Variants in SLCO1C1 observed in about 807,000 individuals in gnomAD.
SLCO1C1 encodes OAT-RP-5.
A neutral mutation model predicts 76.4 loss-of-function variants in SLCO1C1; 70 were observed. The ratio of observed to expected loss-of-function variants is 0.92; its 90% CI spans 0.76 to 1.12. SLCO1C1 has a LOEUF of 1.12. SLCO1C1 is among the 50% of genes most tolerant of loss of function. SLCO1C1 has a pLI of 0.00. For synonymous variants in SLCO1C1, 306 were observed against 286.1 expected (o/e 1.07, Z -0.70); for missense variants, 912 against 823.8 (o/e 1.11, Z -1.31).
At chr12:20,704,940 G>T (rs777844560) in intron 3 of SLCO1C1, among the ~76,000 whole-genome samples, 4 of 151,840 alleles carry the variant, frequency 2.6e-5, no homozygotes, top group Non-Finnish European at 5.9e-5. Context: ...GTTTATCAAA[G>T]CATGTTCTAG....
chr12:20,725,210 AAAT>A (rs1321135490), intron 9 of SLCO1C1, among the ~76,000 whole-genome samples: 4 of 137,462 alleles, frequency 2.9e-5, no homozygotes, highest in Non-Finnish European at 3.0e-5. Context: ...ATAGTATTTT[AAAT>A]AATTATAGTT....
At chr12:20,715,355 A>C (rs1174221661) in intron 6 of SLCO1C1, 70 bp downstream of exon 6, 17 of 1,541,290 alleles carry the variant, frequency 1.1e-5, no homozygotes, top group Non-Finnish European at 1.5e-5. Flanking sequence ...ATTCCCCTCT[A>C]TGCTAAATTA....
At chr12:20,711,546 T>TA in intron 5 of SLCO1C1, 36 bp downstream of exon 5, 1 of 1,600,366 alleles carries the variant, frequency 6.2e-7, no homozygotes, top group African/African-American at 1.4e-5. Flanking sequence ...AAACAAGCTT[T>TA]TAAAAAAAAG....
intron 13 of SLCO1C1, among the ~76,000 whole-genome samples, 164 bp from the exon 14 acceptor site, chr12:20,750,511 A>C (rs774830956): frequency 4.4e-4 from 67 of 152,192 alleles, no homozygotes; most frequent in Non-Finnish European, 8.2e-4. Flanking sequence ...AGCTTATGAG[A>C]AAAGACTGGA....
chr12:20,732,970 A>T lies in SLCO1C1; in HGVS notation c.1248A>T (p.Lys416Asn). ...GIFSGGIVMKKFRISVCGAAK... is the reference protein window; with the variant it reads ...GIFSGGIVMKNFRISVCGAAK... ...TCTCTGGGGGGATAGTTATGAAAAA[A>T]TTCAGAATCAGTGTGTGTGGAGCTG... The change falls in exon 10 of 15, where the codon AAA becomes AAT. Residue 416 changes from lysine (K) to asparagine (N), a missense_variant. Transcript: ENST00000266509. 1 of 1,614,058 alleles carries T rather than the reference A, an allele frequency of 6.2e-7. No individual in the cohort carries two copies. The highest frequency in any genetic ancestry group is 8.5e-7 in the Non-Finnish European group (1 of 1,179,974).
chr12:20,695,987 C>T (rs1412950374), intron 1 of SLCO1C1, among the ~76,000 whole-genome samples, 180 bp downstream of exon 1: 1 of 152,086 alleles, frequency 6.6e-6, no homozygotes, highest in African/African-American at 2.4e-5. Context: ...ATCAGATAAA[C>T]TCAAATTTGA....
In SLCO1C1 at chr12:20,752,595, A is replaced by C; in HGVS notation, c.*67A>C. ...TTTTGCAAACAAATAAATTGTAATC[A>C]AAAGAGCTCTAAATTTGTAATTTCT... On this transcript the variant is annotated 3_prime_UTR_variant, in exon 15 of 15. Coordinates refer to ENST00000266509, the MANE Select transcript of SLCO1C1 (RefSeq NM_017435.5). 2 of 1,311,640 alleles carry C rather than the reference A, an allele frequency of 1.5e-6. No homozygotes were observed. The highest frequency in any genetic ancestry group is 2.1e-6 in the Non-Finnish European group (2 of 966,336). The allele number at this position is 1,311,640 out of a possible 1,614,324, so 81.3% of individuals were successfully genotyped here. A position where few individuals can be genotyped will look rare whatever the true frequency, so the allele number is the denominator to read the frequency against.
In SLCO1C1 at chr12:20,706,022, G is replaced by T; in HGVS notation, c.345G>T (p.Gly115=). The stretch of plus-strand genomic sequence containing the variant: ...ACAGGCCAAAAATAATTGGAGCAGG[G>T]TGTGTAATCATGGGAGTTGGAACAC... ...KLHRPKIIGA[G]CVIMGVGTLL... The change falls in exon 4 of 15, where the codon GGG becomes GGT. Residue 115 remains glycine, a synonymous_variant. Transcript: ENST00000266509. 6.2e-7 allele frequency: 1 copy of T among 1,613,422 alleles called. No homozygotes were observed. Among genetic ancestry groups the T allele is most frequent in the Non-Finnish European group, 8.5e-7 (1 of 1,179,514 alleles).
Position 20,740,323 on chromosome 12 carries a change from A to C in SLCO1C1, c.1688A>C (p.Tyr563Ser). ...CTTGTAATTTCAGTCATCACATCCT[A>C]TACTTTATCCCTAGGTGGCATACCT... ...YFLVISVITS[Y>S]TLSLGGIPGY... Residue 563 changes from tyrosine to serine, a missense_variant, in exon 12 of 15, where the codon TAT becomes TCT. By Grantham distance (144) the Tyr-to-Ser change is moderately radical (BLOSUM62 -2). Coordinates refer to ENST00000266509, the MANE Select transcript of SLCO1C1 (RefSeq NM_017435.5). 1 of 1,613,826 alleles carries C rather than the reference A, an allele frequency of 6.2e-7. No homozygotes were observed. Among genetic ancestry groups the C allele is most frequent in the South Asian group, 1.1e-5 (1 of 91,026 alleles).
rs144549299 is a variant in SLCO1C1 at position 20,749,662 on chromosome 12, C to T, written c.1799-1013C>T. On this transcript the variant is annotated intron_variant, in intron 13 of 14. Coordinates refer to ENST00000266509, the MANE Select transcript of SLCO1C1 (RefSeq NM_017435.5). ...TTGCACATGAGAGACACATTTTCTC[C>T]CTAAGGAGGGATTAAATTCCTAACA... Among the ~76,000 whole-genome samples, 833 of 152,238 alleles carry T rather than the reference C, an allele frequency of 5.5e-3. 10 individuals carry two copies. Among genetic ancestry groups the T allele is most frequent in the Non-Finnish European group, 7.8e-3 (534 of 68,030 alleles).
chr12:20,732,833 CT>C, intron 9 of SLCO1C1, 75 bp from the exon 10 acceptor site: 1 of 1,465,606 alleles, frequency 6.8e-7, no homozygotes, highest in Non-Finnish European at 9.3e-7. Context: ...ACAAAATAGT[CT>C]TTAGAAAGTT....
chr12:20,706,121 C>A, intron 4 of SLCO1C1, 40 bp downstream of exon 4: 10 of 1,554,054 alleles, frequency 6.4e-6, no homozygotes, highest in Non-Finnish European at 7.8e-6. Context: ...CCTTTCCAAA[C>A]AACTGCATTT....
At position 20,752,388 on chromosome 12, in the gene SLCO1C1, AATT is replaced by A. The variant is rs747317737; in HGVS notation, c.2002_2004del (p.Tyr668del). 5 of 1,613,464 alleles carry A rather than the reference AATT, an allele frequency of 3.1e-6. No homozygotes were observed. The highest frequency in any genetic ancestry group is 4.2e-6 in the Non-Finnish European group (5 of 1,179,592). ...TGCAGTACTTTTCATTTTAAAGAAA[AATT>A]ATGTTTCAAAACACAGAAGTTTTAT... On this transcript the variant is annotated inframe_deletion, in exon 15 of 15. Transcript: ENST00000266509.
In SLCO1C1 at chr12:20,711,462, C is replaced by G. The variant is rs1287815056; in HGVS notation, c.481C>G (p.Gln161Glu). Residue 161 changes from glutamine (Q) to glutamate (E), a missense_variant, in exon 5 of 15, where the codon CAA becomes GAA. Transcript: ENST00000266509. ...ISPCLLESSS[Q>E]LPVSVMEKSK... ...TCCGTGTCTCCTAGAGTCAAGCAGTCAATTACCAGTTTCAGTTATGGAAAA... is the reference window on the plus strand; with the variant it reads ...TCCGTGTCTCCTAGAGTCAAGCAGTGAATTACCAGTTTCAGTTATGGAAAA... 7 of 1,613,790 alleles carry G rather than the reference C, an allele frequency of 4.3e-6. No individual in the cohort carries two copies. The highest frequency in any genetic ancestry group is 4.5e-5 in the East Asian group (2 of 44,868).
chr12:20,745,788 G>A (rs1949016815), intron 13 of SLCO1C1, among the ~76,000 whole-genome samples: 1 of 151,186 alleles, frequency 6.6e-6, no homozygotes, highest in Non-Finnish European at 1.5e-5. Flanking sequence ...TCACACCACT[G>A]CACTCCAGCC....
Position 20,705,986 on chromosome 12 carries a change from A to T in SLCO1C1, c.309A>T (p.Gly103=). The change falls in exon 4 of 15, where the codon GGA becomes GGT. Residue 103 remains glycine (G), a synonymous_variant. Transcript: ENST00000266509. ...TTATAACATTTGTTAGCTACTTTGG[A>T]GCCAAACTTCACAGGCCAAAAATAA... ...LLVITFVSYF[G]AKLHRPKIIG... 1.2e-6 allele frequency: 2 copies of T among 1,613,390 alleles called. No individual in the cohort carries two copies. The highest frequency in any genetic ancestry group is 1.7e-6 in the Non-Finnish European group (2 of 1,179,474).
At chr12:20,744,259 C>T (rs1178278270) in intron 13 of SLCO1C1, among the ~76,000 whole-genome samples, 1 of 151,858 alleles carries the variant, frequency 6.6e-6, no homozygotes, top group Non-Finnish European at 1.5e-5. Flanking sequence ...AGAATTGGCC[C>T]CCATATCTAC....
intron 2 of SLCO1C1, 150 bp downstream of exon 2, chr12:20,699,855 C>T (rs148816657): frequency 6.8e-5 from 60 of 878,764 alleles, no homozygotes; most frequent in East Asian, 5.9e-4. Context: ...CCTTGCCAGG[C>T]GGTGCAAGCA....
intron 13 of SLCO1C1, among the ~76,000 whole-genome samples, chr12:20,746,800 G>T (rs1267288197): frequency 1.4e-5 from 2 of 143,088 alleles, no homozygotes; most frequent in Non-Finnish European, 3.1e-5. Flanking sequence ...TATCCTATGG[G>T]ACTTGGTATT....
Sources: allele counts gnomAD v4.1 joint callset (sites outside exome capture counted in the v4.1 genomes callset), GRCh38; gene constraint gnomAD v4.1.1; transcripts MANE v1.5; gene names NCBI Gene and HGNC (gene_info 2026-07-23, HGNC 2026-07-21).